Variants in KCNIP4 observed in about 807,000 individuals in gnomAD.
KCNIP4 encodes the protein potassium voltage-gated channel interacting protein 4, also known as Kv channel-interacting protein 4.
A neutral mutation model predicts 34.0 loss-of-function variants in KCNIP4; 12 were observed. The ratio of observed to expected loss-of-function variants is 0.35; its 90% CI spans 0.23 to 0.57. KCNIP4 has a LOEUF of 0.57. Ranked by LOEUF, KCNIP4 falls within the 20% of genes least tolerant of loss-of-function variation. KCNIP4 has a pLI of 0.83. For synonymous variants in KCNIP4, 124 were observed against 102.2 expected, an observed-to-expected ratio of 1.21 and a Z score of -1.29; for missense variants, 238 against 311.7, an observed-to-expected ratio of 0.76 and a Z score of 1.78.
intron 3 of KCNIP4, among the ~76,000 whole-genome samples, chr4:20,809,436 C>T (rs769818545): frequency 3.3e-5 from 5 of 152,060 alleles, no homozygotes; most frequent in Admixed American, 6.6e-5. Context: ...TCATAACACA[C>T]GATATAAAGT....
At chr4:20,993,228 A>C (rs1737247610) in intron 1 of KCNIP4, among the ~76,000 whole-genome samples, 1 of 151,998 alleles carries the variant, frequency 6.6e-6, no homozygotes, top group Non-Finnish European at 1.5e-5. Flanking sequence ...ACAGGGTATG[A>C]AGATGTCTAT....
In KCNIP4 at chr4:21,621,984, A is replaced by G. The variant is rs192821019; in HGVS notation, c.61+326587T>C. Reference sequence around the variant, plus strand: ...ATCCTCACCCTACTTCAGGGCTGCCATTGGCAACTGGCACCTCAAATACTG... The same window carrying G: ...ATCCTCACCCTACTTCAGGGCTGCCGTTGGCAACTGGCACCTCAAATACTG... On this transcript the variant is annotated intron_variant, in intron 1 of 8. Coordinates refer to ENST00000382152, the MANE Select transcript of KCNIP4 (RefSeq NM_025221.6). 3.9e-5 allele frequency among the ~76,000 whole-genome samples: 6 copies of G among 152,292 alleles called. No homozygotes were observed. The East Asian group carries it at 5.8e-4, about 15-fold the overall frequency.
chr4:21,644,528 C>G (rs906169714), intron 1 of KCNIP4, among the ~76,000 whole-genome samples: 4 of 152,150 alleles, frequency 2.6e-5, no homozygotes, highest in African/African-American at 9.7e-5. Context: ...GAAAGTGCAG[C>G]AGGTAAAAGC....
intron 1 of KCNIP4, among the ~76,000 whole-genome samples, chr4:21,098,008 T>C (rs1370958846): frequency 9.2e-5 from 14 of 152,114 alleles, no homozygotes; most frequent in Non-Finnish European, 2.1e-4. Context: ...GATAAGAAAC[T>C]GAAACAATCT....
At chr4:21,421,425 C>T (rs1577334852) in intron 1 of KCNIP4, among the ~76,000 whole-genome samples, 1 of 152,088 alleles carries the variant, frequency 6.6e-6, no homozygotes, top group African/African-American at 2.4e-5. Context: ...ATACACAATG[C>T]AATATTACTG....
chr4:21,768,625 C>T (rs1029729429), intron 1 of KCNIP4, among the ~76,000 whole-genome samples: 7 of 152,090 alleles, frequency 4.6e-5, no homozygotes, highest in African/African-American at 1.7e-4. Flanking sequence ...TATACACATC[C>T]ACTCTTAGTT....
intron 1 of KCNIP4, among the ~76,000 whole-genome samples, chr4:20,917,725 G>A (rs1479309889): frequency 6.6e-6 from 1 of 152,192 alleles, no homozygotes; most frequent in Non-Finnish European, 1.5e-5. Flanking sequence ...AGGTGTGGTG[G>A]CTCATGCCTG....
At chr4:21,148,952 G>A (rs1236259909) in intron 1 of KCNIP4, among the ~76,000 whole-genome samples, 6 of 152,162 alleles carry the variant, frequency 3.9e-5, no homozygotes, top group Non-Finnish European at 7.4e-5. Flanking sequence ...TGAGTATACA[G>A]CATTAAAAGA....
chr4:21,175,428 A>G (rs1325212357), intron 1 of KCNIP4, among the ~76,000 whole-genome samples: 1 of 152,078 alleles, frequency 6.6e-6, no homozygotes, highest in Non-Finnish European at 1.5e-5. Flanking sequence ...TATTACACAC[A>G]AATTTCTTTT....
intron 1 of KCNIP4, among the ~76,000 whole-genome samples, chr4:21,050,773 A>G (rs941346874): frequency 6.6e-6 from 1 of 152,240 alleles, no homozygotes; most frequent in African/African-American, 2.4e-5. Flanking sequence ...AAGACATTCT[A>G]ATTAGGCAAA....
intron 1 of KCNIP4, among the ~76,000 whole-genome samples, chr4:21,003,107 T>A (rs1738279042): frequency 1.3e-5 from 2 of 152,188 alleles, no homozygotes; most frequent in Admixed American, 1.3e-4. Context: ...ACACGTTTGA[T>A]CTGCTGATGT....
rs374456419 is a variant in KCNIP4, at chr4:20,802,315, GCA to G, written c.289-43427_289-43426del. 1.4e-4 allele frequency among the ~76,000 whole-genome samples: 20 copies of G among 145,896 alleles called. No homozygotes were observed. The South Asian group carries it at 2.0e-3, about 14-fold the overall frequency. Reference sequence around the variant, plus strand: ...ATATATATATGCAATATATATATATGCACACACACACACGTCTCCAACATTGG... The same window carrying G: ...ATATATATATGCAATATATATATATGCACACACACACGTCTCCAACATTGG... On this transcript the variant is annotated intron_variant, in intron 3 of 8. Transcript: ENST00000382152.
At chr4:21,840,475 G>A (rs188443435) in intron 1 of KCNIP4, among the ~76,000 whole-genome samples, 1 of 152,200 alleles carries the variant, frequency 6.6e-6, no homozygotes, top group Non-Finnish European at 1.5e-5. Flanking sequence ...AAGCTAAGAG[G>A]GGTTGAAAAT....
chr4:21,378,959 T>C (rs1438840398), intron 1 of KCNIP4, among the ~76,000 whole-genome samples: 1 of 152,146 alleles, frequency 6.6e-6, no homozygotes, highest in Non-Finnish European at 1.5e-5. Flanking sequence ...CTTCTTCCTA[T>C]TCTGTCCAAC....
intron 1 of KCNIP4, among the ~76,000 whole-genome samples, chr4:20,911,363 T>C (rs1288434350): frequency 6.6e-6 from 1 of 152,208 alleles, no homozygotes; most frequent in South Asian, 2.1e-4. Context: ...TCATGGTTCA[T>C]TATTTAAGAA....
At position 21,239,733 on chromosome 4, in the gene KCNIP4, G is replaced by A. The variant is rs1228150407; in HGVS notation, c.62-357024C>T. Among the ~76,000 whole-genome samples the A allele has an allele frequency of 3.3e-5, 5 of 152,282 alleles. No homozygotes were observed. In the East Asian group the frequency reaches 9.7e-4, roughly 29 times the overall value. On this transcript the variant is annotated intron_variant, in intron 1 of 8. Transcript: ENST00000382152. ...AAAAAGTCAGGAAACAACAGGTGCTGGAGAGGATGTGGAGAAATAGGAACA... is the reference window on the plus strand; with the variant it reads ...AAAAAGTCAGGAAACAACAGGTGCTAGAGAGGATGTGGAGAAATAGGAACA...
intron 1 of KCNIP4, among the ~76,000 whole-genome samples, chr4:21,578,243 G>T (rs563923466): frequency 1.4e-5 from 2 of 142,706 alleles, no homozygotes; most frequent in Non-Finnish European, 3.0e-5. Context: ...CTGAGGCAGA[G>T]AATTGCCTGA....
chr4:20,928,700 A>T (rs1730141205), intron 1 of KCNIP4, among the ~76,000 whole-genome samples: 1 of 151,978 alleles, frequency 6.6e-6, no homozygotes. Context: ...GGTAAACAAA[A>T]TTCACAAACT....
At chr4:21,502,251 C>G (rs1490973446) in intron 1 of KCNIP4, among the ~76,000 whole-genome samples, 1 of 151,814 alleles carries the variant, frequency 6.6e-6, no homozygotes, top group Non-Finnish European at 1.5e-5. Flanking sequence ...GATACATGCT[C>G]AAAATGGGAA....
Sources: gnomAD v4.1 joint callset for allele counts (sites outside exome capture counted in the v4.1 genomes callset) on GRCh38, gnomAD v4.1.1 for gene constraint, MANE v1.5 for transcripts, NCBI Gene and HGNC (gene_info 2026-07-23, HGNC 2026-07-21) for gene names.